GAREM1: variants seen among roughly 807,000 people sequenced by gnomAD.
The protein encoded by GAREM1 is GRB2 associated regulator of MAPK1 subtype 1.
GAREM1 carries 26 observed loss-of-function variants against 71.3 expected under a neutral mutation model. The ratio of observed to expected loss-of-function variants is 0.36; its 90% CI spans 0.27 to 0.51. The LOEUF is 0.51. Ranked by LOEUF, GAREM1 falls within the 20% of genes least tolerant of loss-of-function variation. GAREM1 has a pLI of 0.95. For missense variants in GAREM1, 1,026 were observed against 1,103.1 expected, an observed-to-expected ratio of 0.93 and a Z score of 0.99; for synonymous variants, 440 against 433.2, an observed-to-expected ratio of 1.02 and a Z score of -0.20.
chr18:32,378,057 T>C (rs72931885), intron 2 of GAREM1, among the ~76,000 whole-genome samples: 15,344 of 126,914 alleles, frequency 0.12, 903 homozygotes, highest in Middle Eastern at 0.16. Context: ...TGTGTGTGTG[T>C]GCGCGCGGGC....
At chr18:32,301,970 C>T (rs1370667238) in intron 3 of GAREM1, among the ~76,000 whole-genome samples, 3 of 152,166 alleles carry the variant, frequency 2.0e-5, no homozygotes, top group Non-Finnish European at 4.4e-5. Flanking sequence ...TTCAGAAATA[C>T]AAATGACAGA....
intron 1 of GAREM1, among the ~76,000 whole-genome samples, chr18:32,424,668 A>G (rs767655411): frequency 1.3e-5 from 2 of 152,254 alleles, no homozygotes; most frequent in African/African-American, 4.8e-5. Context: ...ATTTTCTCTC[A>G]GCATACATAT....
chr18:32,357,580 G>A (rs1464230126), intron 2 of GAREM1, among the ~76,000 whole-genome samples: 5 of 152,252 alleles, frequency 3.3e-5, no homozygotes, highest in African/African-American at 7.2e-5. Context: ...TGGGAAGAAG[G>A]AAGGCTCTGA....
At chr18:32,364,022 A>ATGTT (rs1236005063) in intron 2 of GAREM1, among the ~76,000 whole-genome samples, 1 of 52,104 alleles carries the variant, frequency 1.9e-5, no homozygotes, top group African/African-American at 1.5e-4. Flanking sequence ...ATATATATAT[A>ATGTT]TATATGTTTT....
intron 1 of GAREM1, among the ~76,000 whole-genome samples, chr18:32,468,103 T>C (rs1000406675): frequency 6.6e-6 from 1 of 152,246 alleles, no homozygotes; most frequent in Non-Finnish European, 1.5e-5. Flanking sequence ...GGATTTCCTT[T>C]AGTCTCTAAA....
At chr18:32,430,672 A>G (rs1474054715) in intron 1 of GAREM1, among the ~76,000 whole-genome samples, 1 of 152,234 alleles carries the variant, frequency 6.6e-6, no homozygotes, top group African/African-American at 2.4e-5. Flanking sequence ...ACTTTGATGT[A>G]GCATCACATC....
intron 3 of GAREM1, among the ~76,000 whole-genome samples, chr18:32,290,907 C>T (rs1272555173): frequency 2.0e-5 from 3 of 152,086 alleles, no homozygotes; most frequent in Admixed American, 6.6e-5. Flanking sequence ...TGATACAACC[C>T]GTGTGGCAGG....
intron 2 of GAREM1, among the ~76,000 whole-genome samples, chr18:32,370,393 A>G (rs2144625368): frequency 6.6e-6 from 1 of 150,764 alleles, no homozygotes; most frequent in African/African-American, 2.4e-5. Flanking sequence ...ACCGCACTCC[A>G]GCCTGGCAAC....
intron 4 of GAREM1, among the ~76,000 whole-genome samples, chr18:32,285,855 G>A (rs748741322): frequency 6.6e-6 from 1 of 152,088 alleles, no homozygotes; most frequent in East Asian, 1.9e-4. Flanking sequence ...TTAAAAACCC[G>A]GTTCTGCATA....
At chr18:32,397,608 A>C (rs770131775) in intron 1 of GAREM1, among the ~76,000 whole-genome samples, 4 of 152,168 alleles carry the variant, frequency 2.6e-5, no homozygotes, top group Admixed American at 6.5e-5. Flanking sequence ...GCTAACTATC[A>C]AAAATATATA....
chr18:32,308,246 C>G (rs1346670719), intron 3 of GAREM1, among the ~76,000 whole-genome samples: 1 of 133,660 alleles, frequency 7.5e-6, no homozygotes, highest in Non-Finnish European at 1.7e-5. Context: ...TGAATACATT[C>G]AGTCATGGTA....
chr18:32,391,454 G>A (rs1267827786), intron 2 of GAREM1, among the ~76,000 whole-genome samples: 1 of 152,196 alleles, frequency 6.6e-6, no homozygotes, highest in Non-Finnish European at 1.5e-5. Context: ...GCTTTTCACA[G>A]CGCTTTTGCG....
In GAREM1 at chr18:32,268,214, G is replaced by A. The variant is rs775748728; in HGVS notation, c.2288C>T (p.Ser763Leu). ...EDPKSGSPDL[S>L]EDQYFVKKGM... The stretch of plus-strand genomic sequence containing the variant: ...CTTTTTAACAAAATACTGGTCCTCC[G>A]AGAGATCTGGTGACCCAGACTTGGG... The change falls in exon 6 of 6, where the codon TCG becomes TTG. Residue 763 changes from serine (S) to leucine (L), a missense_variant. Ser to Leu is a moderately radical substitution (Grantham distance 145, BLOSUM62 -2). Transcript: ENST00000269209. The A allele has an allele frequency of 6.2e-6, 10 of 1,614,000 alleles. No individual in the cohort carries two copies. In the East Asian group the frequency reaches 6.7e-5, roughly 11 times the overall value.
At position 32,265,104 on chromosome 18, in the gene GAREM1, C is replaced by A. The variant is rs2041355064; in HGVS notation, c.*2767G>T. 6.6e-6 allele frequency: 1 copy of A among 152,184 alleles called. No individual in the cohort carries two copies. 9.4% of individuals were successfully genotyped at this position (152,184 alleles called of 1,614,324 possible). On this transcript the variant is annotated 3_prime_UTR_variant, in exon 6 of 6. Coordinates refer to ENST00000269209, the MANE Select transcript of GAREM1 (RefSeq NM_001242409.2). Reference sequence around the variant, plus strand: ...ATTATCCCTGCTTTGCATATCTTGTCATGATTCTCTTGGAGCTATGAATGC... The same window carrying A: ...ATTATCCCTGCTTTGCATATCTTGTAATGATTCTCTTGGAGCTATGAATGC...
chr18:32,327,027 C>T (rs1393749151), intron 2 of GAREM1, among the ~76,000 whole-genome samples: 1 of 152,180 alleles, frequency 6.6e-6, no homozygotes, highest in African/African-American at 2.4e-5. Context: ...TTAAAAAACA[C>T]TCTTCTTTCT....
At position 32,327,470 on chromosome 18, in the gene GAREM1, A is replaced by G. The variant is rs75158189; in HGVS notation, c.263-17147T>C. Among the ~76,000 whole-genome samples, 87 of 152,304 alleles carry G rather than the reference A, an allele frequency of 5.7e-4. No homozygotes were observed. In the East Asian group the frequency reaches 0.012, roughly 22 times the overall value. ...ACAAAAGACTATACACAGAAAATTC[A>G]TTATACTAAGGTGATAATAGCTCAT... On this transcript the variant is annotated intron_variant, in intron 2 of 5. Coordinates refer to ENST00000269209, the MANE Select transcript of GAREM1 (RefSeq NM_001242409.2).
intron 1 of GAREM1, among the ~76,000 whole-genome samples, chr18:32,432,264 T>C (rs2144259300): frequency 6.6e-6 from 1 of 152,102 alleles, no homozygotes; most frequent in East Asian, 1.9e-4. Context: ...ATACTACTAA[T>C]GCAGTGATTA....
At chr18:32,376,397 C>T (rs1305096065) in intron 2 of GAREM1, among the ~76,000 whole-genome samples, 1 of 152,206 alleles carries the variant, frequency 6.6e-6, no homozygotes. Context: ...TACATCTCGT[C>T]ACTAAAATCT....
At chr18:32,468,047 T>A (rs2049014847) in intron 1 of GAREM1, among the ~76,000 whole-genome samples, 1 of 152,236 alleles carries the variant, frequency 6.6e-6, no homozygotes, top group Non-Finnish European at 1.5e-5. Context: ...ATTTTCAGGA[T>A]GTGGGCAGAC....
Sources: gnomAD v4.1 joint callset for allele counts (sites outside exome capture counted in the v4.1 genomes callset) on GRCh38, gnomAD v4.1.1 for gene constraint, MANE v1.5 for transcripts, NCBI Gene and HGNC (gene_info 2026-07-23, HGNC 2026-07-21) for gene names.